Variants in LIPA observed in about 807,000 individuals in gnomAD.
The protein encoded by LIPA is lysosomal acid lipase/cholesteryl ester hydrolase.
Under a neutral mutation model 40.6 loss-of-function variants are expected in LIPA, and 26 were observed. The ratio of observed to expected loss-of-function variants is 0.64; its 90% CI spans 0.47 to 0.89. LIPA has a LOEUF of 0.89. Among genes scored for constraint, LIPA ranks in the 40% least tolerant of loss-of-function variants. The probability of loss-of-function intolerance (pLI) is 0.00; values close to 1 mark genes in which losing one functional copy is unlikely to be tolerated. For synonymous variants in LIPA, 188 were observed against 168.4 expected (o/e 1.12, Z -0.90); for missense variants, 455 against 479.6 (o/e 0.95, Z 0.48).
intron 1 of LIPA, among the ~76,000 whole-genome samples, chr10:89,277,073 C>T (rs1299831221): frequency 6.6e-6 from 1 of 152,124 alleles, no homozygotes; most frequent in Non-Finnish European, 1.5e-5. Context: ...AGATGAATGC[C>T]AAACCCAGTC....
At chr10:89,303,356 C>G (rs1843458137) in intron 1 of LIPA, among the ~76,000 whole-genome samples, 1 of 152,192 alleles carries the variant, frequency 6.6e-6, no homozygotes, top group Non-Finnish European at 1.5e-5. Context: ...TAAAAGGCTC[C>G]TCAGTGATTC....
At chr10:89,308,478 C>G (rs1202731891) in intron 1 of LIPA, 1 of 152,096 alleles carries the variant, frequency 6.6e-6, no homozygotes, top group Non-Finnish European at 1.5e-5. Flanking sequence ...GGGTTTTCCC[C>G]CCTTTAGAAA....
At position 89,214,687 on chromosome 10, in the gene LIPA, C is replaced by A; in HGVS notation, c.*141G>T. ...CTAATTGAAACTAGAGTGAACTGGGCATCTTCAAAGTTATCATTTTCTTGG... is the reference window on the plus strand; with the variant it reads ...CTAATTGAAACTAGAGTGAACTGGGAATCTTCAAAGTTATCATTTTCTTGG... On this transcript the variant is annotated 3_prime_UTR_variant, in exon 10 of 10. Coordinates refer to ENST00000336233, the MANE Select transcript of LIPA (RefSeq NM_000235.4). The A allele has an allele frequency of 1.6e-6, 1 of 636,496 alleles. No homozygotes were observed. The highest frequency in any genetic ancestry group is 2.8e-6 in the Non-Finnish European group (1 of 360,860). The allele number at this position is 636,496 out of a possible 1,614,324, so 39.4% of individuals were successfully genotyped here.
At chr10:89,283,334 G>A (rs938248386) in intron 1 of LIPA, among the ~76,000 whole-genome samples, 1 of 152,194 alleles carries the variant, frequency 6.6e-6, no homozygotes, top group South Asian at 2.1e-4. Context: ...CTGCACCGGA[G>A]TCTCTCTGAG....
chr10:89,289,613 T>C (rs1190748958), intron 1 of LIPA, among the ~76,000 whole-genome samples: 2 of 152,202 alleles, frequency 1.3e-5, no homozygotes, highest in Non-Finnish European at 2.9e-5. Context: ...TTTCCACCTC[T>C]ATACAGTCTA....
At chr10:89,373,086 C>G (rs1278546460) in intron 2 of LIPA, among the ~76,000 whole-genome samples, 1 of 151,540 alleles carries the variant, frequency 6.6e-6, no homozygotes, top group Non-Finnish European at 1.5e-5. Flanking sequence ...GTAATCCCAG[C>G]ACTTTGGGAG....
At chr10:89,231,507 C>T (rs1236761865) in intron 3 of LIPA, among the ~76,000 whole-genome samples, 1 of 151,488 alleles carries the variant, frequency 6.6e-6, no homozygotes, top group Non-Finnish European at 1.5e-5. Context: ...GAAAAGGTCT[C>T]ATTCTATCAC....
chr10:89,280,948 G>A (rs1843311318), intron 1 of LIPA, among the ~76,000 whole-genome samples: 1 of 152,106 alleles, frequency 6.6e-6, no homozygotes, highest in Non-Finnish European at 1.5e-5. Flanking sequence ...GATATTATAG[G>A]TGAAAAGTCT....
intron 2 of LIPA, among the ~76,000 whole-genome samples, chr10:89,394,590 A>ATATATATATTT (rs1174074663): frequency 4.6e-3 from 81 of 17,624 alleles, no homozygotes; most frequent in African/African-American, 0.024. Flanking sequence ...ATATATATAT[A>ATATATATATTT]TATATATATA....
intron 2 of LIPA, among the ~76,000 whole-genome samples, chr10:89,382,649 G>A (rs1023214242): frequency 2.6e-5 from 4 of 152,212 alleles, no homozygotes; most frequent in Non-Finnish European, 5.9e-5. Context: ...CCTATGTAAT[G>A]TTCATTCATG....
chr10:89,225,534 A>G (rs1842758026), intron 5 of LIPA, among the ~76,000 whole-genome samples: 1 of 152,188 alleles, frequency 6.6e-6, no homozygotes, highest in African/African-American at 2.4e-5. Context: ...TTTACAATGT[A>G]AATAACAGAC....
intron 1 of LIPA, among the ~76,000 whole-genome samples, chr10:89,264,141 C>A (rs1349640176): frequency 6.6e-6 from 1 of 152,170 alleles, no homozygotes; most frequent in African/African-American, 2.4e-5. Flanking sequence ...CTTCTCATTG[C>A]TGGCAACATG....
intron 8 of LIPA, among the ~76,000 whole-genome samples, chr10:89,221,513 T>C (rs11818380): frequency 2.1e-4 from 32 of 152,188 alleles, no homozygotes; most frequent in African/African-American, 7.5e-4. Flanking sequence ...ATTTATTAAA[T>C]AGTGTACTTT....
chr10:89,403,531 T>C, intron 2 of LIPA: 1 of 1,613,884 alleles, frequency 6.2e-7, no homozygotes, highest in Non-Finnish European at 8.5e-7. Flanking sequence ...GATAAAAGTA[T>C]CAATTCTTTG....
chr10:89,282,686 G>A (rs1325218405), intron 1 of LIPA, among the ~76,000 whole-genome samples: 2 of 151,990 alleles, frequency 1.3e-5, no homozygotes, highest in East Asian at 3.8e-4. Context: ...TACTTTCATC[G>A]AATCCATTAT....
upstream of LIPA, among the ~76,000 whole-genome samples, chr10:89,345,901 C>T (rs919306919): frequency 3.9e-5 from 6 of 152,000 alleles, no homozygotes; most frequent in Non-Finnish European, 8.8e-5. Flanking sequence ...AGACAATGAC[C>T]GAAATTTTCG....
At position 89,411,659 on chromosome 10, in the gene LIPA, C is replaced by T. The variant is rs532686271; in HGVS notation, c.61+1132G>A. Among the ~76,000 whole-genome samples the T allele has an allele frequency of 4.6e-5, 7 of 152,344 alleles. No individual in the cohort carries two copies. The South Asian group carries it at 1.4e-3, about 32-fold the overall frequency. ...TCCTTACTCTACAATCCCAAACAGA[C>T]TCTTTGGCAGCAGCGACTCTCCAAA... is the stretch of plus-strand genomic sequence containing the variant. On this transcript the variant is annotated intron_variant, in intron 2 of 8. Transcript: ENST00000371837.
At position 89,306,431 on chromosome 10, in the gene LIPA, G is replaced by A. The variant is rs919519288; in HGVS notation, c.-2+36180C>T. The A allele has an allele frequency of 5.0e-6, 8 of 1,614,028 alleles. No individual in the cohort carries two copies. The African/African-American group carries it at 5.3e-5, about 11-fold the overall frequency. On this transcript the variant is annotated intron_variant, in intron 1 of 5. Coordinates refer to the LIPA transcript ENST00000282673. ...AGGAAACCAAAATGAAAGAGCGAAG[G>A]TGTGCTTTGAGAAGGCTCTGGAAAA... is the stretch of plus-strand genomic sequence containing the variant.
At chr10:89,279,398 T>C (rs1342057009) in intron 1 of LIPA, among the ~76,000 whole-genome samples, 2 of 152,112 alleles carry the variant, frequency 1.3e-5, no homozygotes, top group African/African-American at 4.8e-5. Flanking sequence ...AGGCCTTTGG[T>C]GGTCCTAGGG....
Sources: allele counts gnomAD v4.1 joint callset (sites outside exome capture counted in the v4.1 genomes callset), GRCh38; gene constraint gnomAD v4.1.1; transcripts MANE v1.5; gene names NCBI Gene and HGNC (gene_info 2026-07-23, HGNC 2026-07-21).